CEP63: variants seen among roughly 807,000 people sequenced by gnomAD.
CEP63 encodes centrosomal protein of 63 kDa.
Under a neutral mutation model 89.1 loss-of-function variants are expected in CEP63, and 84 were observed. The observed-to-expected ratio is 0.94, with a 90% CI of 0.79 to 1.13. The LOEUF is 1.13. Ranked by LOEUF, CEP63 falls within the 50% of genes most tolerant of loss-of-function variation. The probability of loss-of-function intolerance (pLI) is 0.00; values close to 1 mark genes in which losing one functional copy is unlikely to be tolerated. For synonymous variants in CEP63, 267 were observed against 272.5 expected (o/e 0.98, Z 0.20); for missense variants, 838 against 813.3 (o/e 1.03, Z -0.37).
chr3:134,520,653 A>G (rs950612503), intron 3 of CEP63, among the ~76,000 whole-genome samples: 1 of 152,278 alleles, frequency 6.6e-6, no homozygotes, highest in African/African-American at 2.4e-5. Context: ...TAAAAACTAT[A>G]TTAAGACAGT....
At chr3:134,570,277 T>G (rs760968478) in intron 11 of CEP63, among the ~76,000 whole-genome samples, 1 of 152,244 alleles carries the variant, frequency 6.6e-6, no homozygotes, top group Non-Finnish European at 1.5e-5. Context: ...TGCTGTTCTA[T>G]TGCATTGTCA....
the CEP63 span, among the ~76,000 whole-genome samples, chr3:134,760,234 AT>A: frequency 4.6e-5 from 7 of 151,154 alleles, no homozygotes; most frequent in East Asian, 9.8e-4. Flanking sequence ...AATTTTTTGT[AT>A]TTTTTAGTAG....
At chr3:134,757,240 G>GA in the CEP63 span, among the ~76,000 whole-genome samples, 1 of 152,176 alleles carries the variant, frequency 6.6e-6, no homozygotes, top group South Asian at 2.1e-4. Context: ...CAGGGTTTGT[G>GA]GCTGAGCATA....
intron 2 of CEP63, among the ~76,000 whole-genome samples, chr3:134,505,454 G>A (rs895833989): frequency 6.6e-6 from 1 of 152,142 alleles, no homozygotes; most frequent in South Asian, 2.1e-4. Flanking sequence ...AGGCTCTGCT[G>A]GGGTAGGGAC....
intron 2 of CEP63, among the ~76,000 whole-genome samples, chr3:134,499,132 T>G (rs1941148736): frequency 6.6e-6 from 1 of 152,224 alleles, no homozygotes; most frequent in Non-Finnish European, 1.5e-5. Flanking sequence ...TTTATGAAGT[T>G]GGTAGAATTC....
intron 14 of CEP63, among the ~76,000 whole-genome samples, chr3:134,560,536 C>T (rs138157629): frequency 6.2e-4 from 95 of 152,258 alleles, no homozygotes; most frequent in African/African-American, 2.2e-3. Flanking sequence ...GACGGGACAG[C>T]GCAGTGTAGG....
chr3:134,641,567 C>T, the CEP63 span, among the ~76,000 whole-genome samples: 1 of 152,132 alleles, frequency 6.6e-6, no homozygotes, highest in Non-Finnish European at 1.5e-5. Flanking sequence ...AAAACGCTGG[C>T]CCGGCTGACA....
chr3:134,771,215 C>A, the CEP63 span, among the ~76,000 whole-genome samples: 1 of 152,158 alleles, frequency 6.6e-6, no homozygotes. Context: ...TGTCCTTTCT[C>A]TAGGCTGAGT....
the CEP63 span, among the ~76,000 whole-genome samples, chr3:134,708,696 A>C: frequency 6.6e-6 from 1 of 152,128 alleles, no homozygotes; most frequent in African/African-American, 2.4e-5. Context: ...ACAAGAGAGG[A>C]TATGGGGAGA....
At chr3:134,565,295 A>G (rs1957704741), downstream of CEP63, among the ~76,000 whole-genome samples, 1 of 152,188 alleles carries the variant, frequency 6.6e-6, no homozygotes, top group Non-Finnish European at 1.5e-5. Flanking sequence ...TGATCTCAAC[A>G]AGTGTAGAAA....
intron 1 of CEP63, among the ~76,000 whole-genome samples, chr3:134,490,832 A>G (rs1345620362): frequency 6.6e-6 from 1 of 152,090 alleles, no homozygotes; most frequent in African/African-American, 2.4e-5. Flanking sequence ...AAAATGTGCT[A>G]TTATGTATAC....
chr3:134,636,414 T>C, the CEP63 span, among the ~76,000 whole-genome samples: 1 of 152,216 alleles, frequency 6.6e-6, no homozygotes, highest in East Asian at 1.9e-4. Context: ...CCAGAAGTGA[T>C]GTTGCACAAA....
At chr3:134,522,018 A>C (rs1411517103) in intron 3 of CEP63, among the ~76,000 whole-genome samples, 1 of 151,850 alleles carries the variant, frequency 6.6e-6, no homozygotes, top group African/African-American at 2.4e-5. Flanking sequence ...TCAAACATGC[A>C]CTCTCTTTTA....
intron 3 of CEP63, among the ~76,000 whole-genome samples, chr3:134,507,755 AGAG>A (rs2108437675): frequency 6.6e-6 from 1 of 152,326 alleles, no homozygotes; most frequent in East Asian, 1.9e-4. Context: ...GTTGAAAATT[AGAG>A]GAGAAGAAAG....
the CEP63 span, among the ~76,000 whole-genome samples, chr3:134,602,638 C>A: frequency 6.6e-6 from 1 of 152,306 alleles, no homozygotes; most frequent in Middle Eastern, 3.4e-3. Context: ...ATCCACAAGA[C>A]TCCCCAAGGG....
chr3:134,683,067 G>A, the CEP63 span, among the ~76,000 whole-genome samples: 1 of 152,190 alleles, frequency 6.6e-6, no homozygotes, highest in Non-Finnish European at 1.5e-5. Context: ...TGATGAGATA[G>A]ACTAGCTGCA....
chr3:134,561,900 CT>C lies in CEP63; in HGVS notation c.*368del. The C allele has an allele frequency of 1.9e-6, 2 of 1,067,894 alleles. No homozygotes were observed. Among genetic ancestry groups the C allele is most frequent in the Middle Eastern group, 4.6e-4 (1 of 2,172 alleles). The allele number at this position is 1,067,894 out of a possible 1,614,324, so 66.2% of individuals were successfully genotyped here. On this transcript the variant is annotated 3_prime_UTR_variant, in exon 15 of 15. Coordinates refer to ENST00000675561, the MANE Select transcript of CEP63 (RefSeq NM_001353108.3). ...AAAATAAAGTAACTGCAGGAACTTT[CT>C]TTAGGGGAAATGTGTAGAAGCATGG...
At chr3:134,543,530 CTGGTTAAAGTATG>C (rs1952506477) in intron 6 of CEP63, among the ~76,000 whole-genome samples, 1 of 152,216 alleles carries the variant, frequency 6.6e-6, no homozygotes, top group African/African-American at 2.4e-5. Flanking sequence ...TCTAGACTCA[CTGGTTAAAGTATG>C]CCTTGGTTTA....
chr3:134,547,335 G>C lies in CEP63; in HGVS notation c.930G>C (p.Arg310Ser). The stretch of plus-strand genomic sequence containing the variant: ...ACAATCATCCTATGTCTTTCCATAG[G>C]CCACGGGAAGAATCTCTGGCAGAAA... ...TNTQHAVEAIRPREESLAEKK... is the reference protein window; with the variant it reads ...TNTQHAVEAISPREESLAEKK... The change falls in exon 9 of 15, where the codon AGG (arginine) becomes AGC (serine). Residue 310 changes from arginine (R) to serine (S), a missense_variant and splice_region_variant. Transcript: ENST00000675561. 1 of 1,613,212 alleles carries C rather than the reference G, an allele frequency of 6.2e-7. No individual in the cohort carries two copies. Among genetic ancestry groups the C allele is most frequent in the Non-Finnish European group, 8.5e-7 (1 of 1,179,364 alleles).
Sources: allele counts gnomAD v4.1 joint callset (sites outside exome capture counted in the v4.1 genomes callset), GRCh38; gene constraint gnomAD v4.1.1; transcripts MANE v1.5; gene names NCBI Gene and HGNC (gene_info 2026-07-23, HGNC 2026-07-21).